The following ECT2 variants were observed in gnomAD, a reference collection of about 807,000 sequenced individuals.
ECT2 encodes protein ECT2.
Under a neutral mutation model 116.9 loss-of-function variants are expected in ECT2, and 61 were observed. That is an observed-to-expected ratio of 0.52 (90% CI 0.42 to 0.65). The LOEUF is 0.65. Among genes scored for constraint, ECT2 ranks in the 30% least tolerant of loss-of-function variants. ECT2 has a pLI of 0.00. For missense variants in ECT2, 937 were observed against 1,078.7 expected (o/e 0.87, Z 1.84); for synonymous variants, 358 against 346.4 (o/e 1.03, Z -0.37).
At chr3:172,784,001 A>T in intron 16 of ECT2, 92 bp downstream of exon 16, 1 of 856,810 alleles carries the variant, frequency 1.2e-6, no homozygotes, top group South Asian at 1.7e-5. Context: ...TTTTAACTTT[A>T]GTAAAATGTA....
At position 172,756,566 on chromosome 3, in the gene ECT2, A is replaced by G. The variant is rs544016626; in HGVS notation, c.304-417A>G. On this transcript the variant is annotated intron_variant, in intron 4 of 24. Transcript: ENST00000392692. ...TCTGAAGATAGTTAATTTGTACAATAAGAACTTTATGTATGGTATCATTTT... is the reference window on the plus strand; with the variant it reads ...TCTGAAGATAGTTAATTTGTACAATGAGAACTTTATGTATGGTATCATTTT... Among the ~76,000 whole-genome samples the G allele has an allele frequency of 1.7e-4, 26 of 152,312 alleles. No individual in the cohort carries two copies. The East Asian group carries it at 4.4e-3, about 26-fold the overall frequency.
At position 172,755,366 on chromosome 3, in the gene ECT2, G is replaced by A; in HGVS notation, c.202G>A (p.Ala68Thr). ...EAGKQEELIK[A>T]LKTIKIMEVP... ...TGGAAAACAAGAAGAACTTATAAAA[G>A]CCTTAAAGGTACGGAGTTTTAGGTT... The change falls in exon 3 of 25, where the codon GCC becomes ACC. Residue 68 changes from alanine (A) to threonine (T), a missense_variant. Coordinates refer to ENST00000392692, the MANE Select transcript of ECT2 (RefSeq NM_001258315.2). The A allele has an allele frequency of 6.2e-7, 1 of 1,602,678 alleles. No individual in the cohort carries two copies. The highest frequency in any genetic ancestry group is 8.5e-7 in the Non-Finnish European group (1 of 1,177,194).
In ECT2 at chr3:172,820,138, G is replaced by T. The variant is rs373299459; in HGVS notation, c.2656-10G>T. Reference sequence around the variant, plus strand: ...ATTTAAAATATGAAATGTTTGTTTTGTCTTAACAGGGTATCCCTTCTCCCT... The same window carrying T: ...ATTTAAAATATGAAATGTTTGTTTTTTCTTAACAGGGTATCCCTTCTCCCT... On this transcript the variant is annotated splice_polypyrimidine_tract_variant and intron_variant, in intron 24 of 24. Transcript: ENST00000392692. The T allele has an allele frequency of 7.5e-6, 12 of 1,594,896 alleles. No homozygotes were observed. The highest frequency in any genetic ancestry group is 1.1e-5 in the South Asian group (1 of 89,374).
chr3:172,812,722 A>G (rs1728991398), intron 22 of ECT2, among the ~76,000 whole-genome samples: 1 of 152,194 alleles, frequency 6.6e-6, no homozygotes, highest in South Asian at 2.1e-4. Flanking sequence ...TTTAAGGAAA[A>G]TATATTTAAA....
intron 11 of ECT2, among the ~76,000 whole-genome samples, 160 bp downstream of exon 11, chr3:172,763,132 A>G (rs918418230): frequency 6.6e-6 from 1 of 152,230 alleles, no homozygotes; most frequent in South Asian, 2.1e-4. Context: ...AAGTGGAACT[A>G]TTCAATGTAA....
At chr3:172,791,848 C>G (rs780599454) in intron 18 of ECT2, among the ~76,000 whole-genome samples, 31 of 152,324 alleles carry the variant, frequency 2.0e-4, no homozygotes, top group South Asian at 1.0e-3. Flanking sequence ...CTGCTTGGTG[C>G]AAGAGGCTTA....
chr3:172,827,461 A>G, the ECT2 span, among the ~76,000 whole-genome samples: 1 of 152,200 alleles, frequency 6.6e-6, no homozygotes, highest in Admixed American at 6.5e-5. Flanking sequence ...AAAAAGAATA[A>G]AACTCTCATT....
chr3:172,771,087 G>A (rs910676657), intron 13 of ECT2, among the ~76,000 whole-genome samples: 1 of 152,066 alleles, frequency 6.6e-6, no homozygotes, highest in African/African-American at 2.4e-5. Flanking sequence ...TTATTTAATA[G>A]CAGCTGGTAC....
intron 18 of ECT2, among the ~76,000 whole-genome samples, chr3:172,800,089 G>T (rs920035770): frequency 4.6e-5 from 7 of 152,286 alleles, no homozygotes; most frequent in African/African-American, 1.7e-4. Context: ...CAAGATGATT[G>T]ATTAGCTTTG....
chr3:172,754,103 A>G (rs895090408), intron 1 of ECT2, among the ~76,000 whole-genome samples: 2 of 152,146 alleles, frequency 1.3e-5, no homozygotes, highest in African/African-American at 4.8e-5. Context: ...TGGGAGAGGA[A>G]AAAATTAGGA....
At chr3:172,790,068 C>G (rs1050404095) in intron 18 of ECT2, among the ~76,000 whole-genome samples, 2 of 151,790 alleles carry the variant, frequency 1.3e-5, no homozygotes, top group African/African-American at 4.8e-5. Flanking sequence ...TTTTTTCTCC[C>G]TCGCCTCTCT....
chr3:172,806,259 C>G (rs1233889054), intron 21 of ECT2, among the ~76,000 whole-genome samples: 2 of 152,124 alleles, frequency 1.3e-5, no homozygotes, highest in Non-Finnish European at 2.9e-5. Flanking sequence ...TGTTGGCCAA[C>G]AGTTGCATTT....
rs1730661943 is a variant in ECT2 at position 172,821,341 on chromosome 3, A to C, written c.*1104A>C. On this transcript the variant is annotated 3_prime_UTR_variant, in exon 25 of 25. Coordinates refer to ENST00000392692, the MANE Select transcript of ECT2 (RefSeq NM_001258315.2). ...TTAAATTTCAAGTTTCTGTTTTAAT[A>C]GTTAACTGACTATAGATTGTTTTCT... 6.6e-6 allele frequency: 1 copy of C among 151,914 alleles called. No individual in the cohort carries two copies. The highest frequency in any genetic ancestry group is 1.5e-5 in the Non-Finnish European group (1 of 67,810). 9.4% of individuals were successfully genotyped at this position (151,914 alleles called of 1,614,324 possible).
intron 18 of ECT2, among the ~76,000 whole-genome samples, chr3:172,791,318 A>C (rs550056858): frequency 6.6e-6 from 1 of 152,350 alleles, no homozygotes; most frequent in South Asian, 2.1e-4. Flanking sequence ...CAGCTGCATT[A>C]GCCCCTAACG....
chr3:172,753,174 A>G (rs901657908), intron 1 of ECT2, among the ~76,000 whole-genome samples: 1 of 152,178 alleles, frequency 6.6e-6, no homozygotes, highest in African/African-American at 2.4e-5. Context: ...ATCACAGCTC[A>G]CTACAACCTC....
chr3:172,783,071 A>G (rs528078753), intron 15 of ECT2, among the ~76,000 whole-genome samples: 1 of 152,070 alleles, frequency 6.6e-6, no homozygotes. Flanking sequence ...GTCTGTTTCT[A>G]TTTAAAGGCT....
At chr3:172,829,152 C>A in the ECT2 span, 2 of 604,814 alleles carry the variant, frequency 3.3e-6, no homozygotes, top group Non-Finnish European at 6.1e-6. Flanking sequence ...GAGAAATGAA[C>A]AGTGCCCCAG....
Position 172,760,712 on chromosome 3 carries a change from CTTTTT to C in ECT2, c.684+471_684+475del, listed in dbSNP as rs60727631. 4.0e-3 allele frequency among the ~76,000 whole-genome samples: 304 copies of C among 76,166 alleles called. 4 individuals carry two copies. Among genetic ancestry groups the C allele is most frequent in the African/African-American group, 0.019 (286 of 15,152 alleles). The allele number at this position is 76,166 out of a possible 152,430, so 50.0% of individuals were successfully genotyped here. On this transcript the variant is annotated intron_variant, in intron 7 of 24. Coordinates refer to ENST00000392692, the MANE Select transcript of ECT2 (RefSeq NM_001258315.2). ...AGGGAATTTACTCTTGTCTAAGTGCCTTTTTTTTTTTTTTTTTTTTTTTTTTGAGA... is the reference window on the plus strand; with the variant it reads ...AGGGAATTTACTCTTGTCTAAGTGCCTTTTTTTTTTTTTTTTTTTTTGAGA...
At chr3:172,778,266 A>C (rs1383914809) in intron 14 of ECT2, among the ~76,000 whole-genome samples, 1 of 152,186 alleles carries the variant, frequency 6.6e-6, no homozygotes, top group African/African-American at 2.4e-5. Context: ...TTAGAGGAAA[A>C]GTTAAGAGAA....
Sources: gnomAD v4.1 joint callset for allele counts (sites outside exome capture counted in the v4.1 genomes callset) on GRCh38, gnomAD v4.1.1 for gene constraint, MANE v1.5 for transcripts, NCBI Gene and HGNC (gene_info 2026-07-23, HGNC 2026-07-21) for gene names.